MYO16: variants seen among roughly 807,000 people sequenced by gnomAD.
The protein encoded by MYO16 is unconventional myosin-XVI.
In MYO16, 94 loss-of-function variants were observed where a neutral mutation model predicts 205.3. The ratio of observed to expected loss-of-function variants is 0.46; its 90% confidence interval spans 0.39 to 0.54. The LOEUF (loss-of-function observed/expected upper bound fraction) is 0.54. Among genes scored for constraint, MYO16 ranks in the 20% least tolerant of loss-of-function variants. MYO16 has a pLI of 0.00. For missense variants in MYO16, 2,315 were observed against 2,387.5 expected (o/e 0.97, Z 0.63); for synonymous variants, 988 against 954.0 (o/e 1.04, Z -0.66).
At chr13:108,535,812 A>T in the MYO16 span, among the ~76,000 whole-genome samples, 1 of 152,146 alleles carries the variant, frequency 6.6e-6, no homozygotes, top group Non-Finnish European at 1.5e-5. Flanking sequence ...TTAACTATAG[A>T]CCCAGCTGCT....
At chr13:108,812,232 AT>A (rs1887316796) in intron 7 of MYO16, among the ~76,000 whole-genome samples, 1 of 151,488 alleles carries the variant, frequency 6.6e-6, no homozygotes, top group African/African-American at 2.4e-5. Context: ...CACCCTGCAT[AT>A]CCCGTATCAT....
chr13:108,758,037 C>G (rs1041540337), intron 4 of MYO16, among the ~76,000 whole-genome samples: 38 of 152,062 alleles, frequency 2.5e-4, no homozygotes, highest in African/African-American at 9.2e-4. Context: ...TGAGATTAGT[C>G]CCCTCATACA....
At chr13:108,933,305 A>G (rs1389915380) in intron 16 of MYO16, among the ~76,000 whole-genome samples, 1 of 152,190 alleles carries the variant, frequency 6.6e-6, no homozygotes, top group African/African-American at 2.4e-5. Context: ...GCCTGAGAGC[A>G]TGCTTTCAGC....
intron 21 of MYO16, among the ~76,000 whole-genome samples, chr13:109,000,756 G>A (rs1885185319): frequency 1.3e-5 from 2 of 151,772 alleles, no homozygotes; most frequent in Non-Finnish European, 2.9e-5. Context: ...TTATGTACAA[G>A]GTATCATACA....
intron 25 of MYO16, among the ~76,000 whole-genome samples, chr13:109,053,831 G>A (rs80281845): frequency 0.035 from 5,265 of 152,130 alleles, 133 homozygotes; most frequent in South Asian, 0.057. Flanking sequence ...AGCATGACAC[G>A]TTGTATTGTG....
intron 9 of MYO16, among the ~76,000 whole-genome samples, chr13:108,836,949 G>A (rs923344103): frequency 5.3e-5 from 8 of 152,216 alleles, no homozygotes; most frequent in East Asian, 1.9e-4. Context: ...ATGCTGGAAT[G>A]AGTTAAGACT....
intron 2 of MYO16, among the ~76,000 whole-genome samples, chr13:108,676,369 A>ACGCG (rs1350077050): frequency 2.9e-5 from 1 of 34,898 alleles, no homozygotes; most frequent in Non-Finnish European, 6.8e-5. Context: ...GATTATATGT[A>ACGCG]CGCGTGTGTG....
chr13:108,742,447 T>C (rs80187664), intron 4 of MYO16, among the ~76,000 whole-genome samples: 2 of 152,176 alleles, frequency 1.3e-5, no homozygotes, highest in African/African-American at 4.8e-5. Context: ...TATATAAAAT[T>C]TGTCCACTAA....
At chr13:108,725,930 A>T (rs1884321663) in intron 3 of MYO16, among the ~76,000 whole-genome samples, 2 of 152,134 alleles carry the variant, frequency 1.3e-5, no homozygotes, top group South Asian at 4.1e-4. Context: ...TTTGCTGCCC[A>T]TCATTCAGAG....
At chr13:108,539,867 A>G in the MYO16 span, among the ~76,000 whole-genome samples, 1 of 152,112 alleles carries the variant, frequency 6.6e-6, no homozygotes, top group Non-Finnish European at 1.5e-5. Flanking sequence ...ATGGGAGGAA[A>G]TGCACTTCTC....
Position 109,157,206 on chromosome 13 carries a change from T to C in MYO16, c.5165-7695T>C, listed in dbSNP as rs569083097. Among the ~76,000 whole-genome samples, 457 of 138,916 alleles carry C rather than the reference T, an allele frequency of 3.3e-3. 1 individual carries two copies. The highest frequency in any genetic ancestry group is 0.012 in the African/African-American group (448 of 36,184). 91.1% of individuals were successfully genotyped at this position (138,916 alleles called of 152,430 possible). ...ACTTCTAATCTCTCCTCAAGGTCCA[T>C]TCAGCTGTATACTTTCTTTGCTAGA... On this transcript the variant is annotated intron_variant, in intron 32 of 34. Coordinates refer to ENST00000457511, the MANE Select transcript of MYO16 (RefSeq NM_001198950.3).
At chr13:108,760,599 A>G (rs1378989007) in intron 4 of MYO16, among the ~76,000 whole-genome samples, 1 of 152,146 alleles carries the variant, frequency 6.6e-6, no homozygotes, top group Non-Finnish European at 1.5e-5. Flanking sequence ...TTGAAGTTTT[A>G]ACCTAAAGTT....
At chr13:108,641,728 C>G (rs1300826635) in intron 1 of MYO16, among the ~76,000 whole-genome samples, 1 of 152,196 alleles carries the variant, frequency 6.6e-6, no homozygotes, top group African/African-American at 2.4e-5. Context: ...TGAATTTATG[C>G]AGGGCAACAT....
At chr13:109,147,714 A>G (rs1172362129) in intron 32 of MYO16, among the ~76,000 whole-genome samples, 4 of 152,116 alleles carry the variant, frequency 2.6e-5, no homozygotes, top group Admixed American at 6.5e-5. Flanking sequence ...GAAAATTAGA[A>G]AAAGTGTGGA....
chr13:108,593,382 C>T (rs1165163485), upstream of MYO16, among the ~76,000 whole-genome samples: 1 of 152,130 alleles, frequency 6.6e-6, no homozygotes, highest in Non-Finnish European at 1.5e-5. Context: ...GCAACGGATT[C>T]TGGGAATCAG....
intron 16 of MYO16, among the ~76,000 whole-genome samples, chr13:108,943,043 G>A (rs79780523): frequency 0.017 from 2,549 of 152,230 alleles, 59 homozygotes; most frequent in African/African-American, 0.058. Flanking sequence ...CATTTAAAAG[G>A]ATATCAATTG....
intron 6 of MYO16, 139 bp from the exon 7 acceptor site, chr13:108,806,540 C>T (rs933967533): frequency 7.0e-6 from 4 of 573,924 alleles, no homozygotes; most frequent in Admixed American, 3.1e-5. Flanking sequence ...AATAAAATTG[C>T]ATGTATGTTC....
At chr13:108,610,201 A>G (rs1033581634) in intron 1 of MYO16, among the ~76,000 whole-genome samples, 27 of 152,132 alleles carry the variant, frequency 1.8e-4, no homozygotes, top group Admixed American at 1.2e-3. Flanking sequence ...AGGAGGTGGC[A>G]AGGATTAAAG....
intron 2 of MYO16, among the ~76,000 whole-genome samples, chr13:108,670,388 A>G (rs1383162432): frequency 6.6e-6 from 1 of 152,140 alleles, no homozygotes; most frequent in Non-Finnish European, 1.5e-5. Flanking sequence ...TGCCTAGGAG[A>G]CTATGGAGTA....
Sources: allele counts gnomAD v4.1 joint callset (sites outside exome capture counted in the v4.1 genomes callset), GRCh38; gene constraint gnomAD v4.1.1; transcripts MANE v1.5; gene names NCBI Gene and HGNC (gene_info 2026-07-23, HGNC 2026-07-21).